The following ALG13 variants were observed in gnomAD, a reference collection of about 807,000 sequenced individuals.
The protein encoded by ALG13 is UDP-N-acetylglucosamine transferase subunit ALG13.
In ALG13, 11 loss-of-function variants were observed where a neutral mutation model predicts 87.8. That is an observed-to-expected ratio of 0.13 (90% CI 0.08 to 0.21). The LOEUF (loss-of-function observed/expected upper bound fraction) is 0.21. Ranked by LOEUF, ALG13 falls within the 10% of genes least tolerant of loss-of-function variation. ALG13 has a pLI of 1.00. For missense variants in ALG13, 756 were observed against 866.1 expected (o/e 0.87, Z 1.60); for synonymous variants, 320 against 306.3 (o/e 1.04, Z -0.47).
intron 9 of ALG13, 78 bp from the exon 10 acceptor site, chrX:111,718,034 C>T (rs960820790): frequency 6.4e-5 from 70 of 1,088,117 alleles, no homozygotes; most frequent in East Asian, 2.9e-4. Context: ...CCTATTTGCA[C>T]GCAGGATTAT....
chrX:111,686,359 T>G (rs910054528), intron 3 of ALG13, among the ~76,000 whole-genome samples: 1 of 112,503 alleles, frequency 8.9e-6, no homozygotes, highest in African/African-American at 3.2e-5. Flanking sequence ...TCTTTTAGTT[T>G]TACTGCTTCT....
At chrX:111,694,836 G>T (rs1445962756) in intron 3 of ALG13, among the ~76,000 whole-genome samples, 1 of 111,751 alleles carries the variant, frequency 8.9e-6, no homozygotes, top group East Asian at 2.8e-4. Flanking sequence ...TAGTTTTCTG[G>T]ATCTCAGTTT....
chrX:111,688,463 A>G (rs1301107219), intron 3 of ALG13: 6 of 750,556 alleles, frequency 8.0e-6, no homozygotes, highest in Admixed American at 1.8e-4. Context: ...CTGTGAAATG[A>G]AAAGTTCAAT....
Position 111,694,167 on chromosome X carries a change from C to A in ALG13, c.383+9064C>A, listed in dbSNP as rs865884566. On this transcript the variant is annotated intron_variant, in intron 3 of 26. Coordinates refer to ENST00000394780, the MANE Select transcript of ALG13 (RefSeq NM_001099922.3). Reference sequence around the variant, plus strand: ...CACGCCATTCTTCTGCCTCAGCCTCCGGAGTAGCTGGGACTACAGGCGCCC... The same window carrying A: ...CACGCCATTCTTCTGCCTCAGCCTCAGGAGTAGCTGGGACTACAGGCGCCC... Among the ~76,000 whole-genome samples, 6 of 110,453 alleles carry A rather than the reference C, an allele frequency of 5.4e-5. No individual in the cohort carries two copies. In the Admixed American group the frequency reaches 5.8e-4, roughly 11 times the overall value.
chrX:111,720,686 T>C (rs1941294645), intron 11 of ALG13, among the ~76,000 whole-genome samples: 1 of 111,709 alleles, frequency 9.0e-6, no homozygotes, highest in Non-Finnish European at 1.9e-5. Context: ...TGGAATAGTA[T>C]TGAATATGGT....
intron 24 of ALG13, among the ~76,000 whole-genome samples, chrX:111,752,564 C>A (rs911764769): frequency 9.1e-6 from 1 of 109,787 alleles, no homozygotes; most frequent in Admixed American, 9.8e-5. Context: ...TACAGGCACC[C>A]GCCACCACGT....
intron 25 of ALG13, 102 bp from the exon 26 acceptor site, chrX:111,757,486 A>G (rs1945363974): frequency 6.1e-6 from 4 of 656,470 alleles, no homozygotes; most frequent in Non-Finnish European, 8.5e-6. Context: ...ATCGTGGCCC[A>G]ATTCTTATTT....
Position 111,724,983 on chromosome X carries a change from G to T in ALG13, c.1651G>T (p.Val551Phe). The change falls in exon 15 of 27, where the codon GTT (valine) becomes TTT (phenylalanine). Residue 551 changes from valine (V) to phenylalanine (F), a missense_variant. Coordinates refer to ENST00000394780, the MANE Select transcript of ALG13 (RefSeq NM_001099922.3). ...NLKPVTQVMSVPAWNAMPSRK... is the reference protein window; with the variant it reads ...NLKPVTQVMSFPAWNAMPSRK... ...AAAACCAGTTACCCAAGTGATGTCTGTTCCTGCCTGGAATGCTATGCCCAG... is the reference window on the plus strand; with the variant it reads ...AAAACCAGTTACCCAAGTGATGTCTTTTCCTGCCTGGAATGCTATGCCCAG... 1 of 1,210,905 alleles carries T rather than the reference G, an allele frequency of 8.3e-7. No individual in the cohort carries two copies. Among genetic ancestry groups the T allele is most frequent in the South Asian group, 1.8e-5 (1 of 56,950 alleles).
intron 22 of ALG13, among the ~76,000 whole-genome samples, chrX:111,736,048 A>T (rs768306341): frequency 2.3e-4 from 26 of 111,893 alleles, no homozygotes; most frequent in African/African-American, 8.4e-4. Flanking sequence ...TCATGCCTGT[A>T]ATCCCAACAC....
At chrX:111,697,664 C>T (rs1030244054) in intron 3 of ALG13, among the ~76,000 whole-genome samples, 5 of 112,000 alleles carry the variant, frequency 4.5e-5, no homozygotes, top group African/African-American at 1.6e-4. Context: ...TAGAATCGAC[C>T]CACAGTTCTC....
rs1168179628 is a variant in ALG13, at chrX:111,759,851, T to C, written c.3266T>C (p.Val1089Ala). 8.3e-7 allele frequency: 1 copy of C among 1,211,318 alleles called. No individual in the cohort carries two copies. The highest frequency in any genetic ancestry group is 1.1e-6 in the Non-Finnish European group (1 of 895,389). ...LPGFDSCLPVVPDYSCVPPWH... is the reference protein window; with the variant it reads ...LPGFDSCLPVAPDYSCVPPWH... ...GGTTTTGACTCCTGCCTTCCGGTTG[T>C]GCCAGATTATTCCTGTGTTCCCCCC... Residue 1089 changes from valine (V) to alanine (A), a missense_variant, in exon 27 of 27, where the codon GTG (valine) becomes GCG (alanine). Val to Ala is a moderately conservative substitution (Grantham distance 64). Coordinates refer to ENST00000394780, the MANE Select transcript of ALG13 (RefSeq NM_001099922.3).
In ALG13 at chrX:111,720,183, C is replaced by T. The variant is rs1377316602; in HGVS notation, c.1326+13C>T. On this transcript the variant is annotated intron_variant, in intron 11 of 26. Coordinates refer to ENST00000394780, the MANE Select transcript of ALG13 (RefSeq NM_001099922.3). ...AGAAGAAACAAAGGTTTGATATTTT[C>T]TAAGGCAAAGAATTTTCATAGTCTT... 1 of 1,124,148 alleles carries T rather than the reference C, an allele frequency of 8.9e-7. No individual in the cohort carries two copies. Among genetic ancestry groups the T allele is most frequent in the Non-Finnish European group, 1.2e-6 (1 of 838,015 alleles). 92.6% of individuals were successfully genotyped at this position (1,124,148 alleles called of 1,213,427 possible).
Position 111,687,930 on chromosome X carries a change from A to C in ALG13, c.383+2827A>C, listed in dbSNP as rs770214701. On this transcript the variant is annotated intron_variant, in intron 3 of 26. Transcript: ENST00000394780. ...ACAGTCAATGGACTTATCAACACTG[A>C]AATGTTATCCTCCTGGCCAGCCAGA... 76 of 1,178,408 alleles carry C rather than the reference A, an allele frequency of 6.4e-5. No homozygotes were observed. Among genetic ancestry groups the C allele is most frequent in the Non-Finnish European group, 7.8e-5 (69 of 879,489 alleles).
At chrX:111,744,638 T>G in intron 23 of ALG13, 30 bp from the exon 24 acceptor site, 1 of 1,168,424 alleles carries the variant, frequency 8.6e-7, no homozygotes, top group Non-Finnish European at 1.1e-6. Flanking sequence ...TAGTTGTGTA[T>G]TGCTACTTTA....
intron 26 of ALG13, among the ~76,000 whole-genome samples, chrX:111,758,712 C>G (rs1945481871): frequency 8.9e-6 from 1 of 112,104 alleles, no homozygotes; most frequent in Non-Finnish European, 1.9e-5. Context: ...CATGAAAAAT[C>G]CACATTGCTA....
intron 24 of ALG13, among the ~76,000 whole-genome samples, chrX:111,750,635 G>T (rs1301932577): frequency 9.5e-6 from 1 of 104,866 alleles, no homozygotes; most frequent in Non-Finnish European, 1.9e-5. Flanking sequence ...GTATTGTATT[G>T]TTTGTTTGTT....
At chrX:111,718,329 A>G (rs1364490959) in intron 10 of ALG13, 55 bp downstream of exon 10, 1 of 1,056,229 alleles carries the variant, frequency 9.5e-7, no homozygotes, top group African/African-American at 1.9e-5. Flanking sequence ...TCTGTGCATA[A>G]TCATTTGAAA....
chrX:111,685,334 T>TGA (rs1048668586), intron 3 of ALG13: 6 of 334,695 alleles, frequency 1.8e-5, no homozygotes, highest in African/African-American at 1.7e-4. Flanking sequence ...TGTGAATATC[T>TGA]GAGAGAGTGT....
At chrX:111,737,149 T>C (rs895410181) in intron 23 of ALG13, 22 of 219,555 alleles carry the variant, frequency 1.0e-4, no homozygotes, top group Non-Finnish European at 1.5e-4. Context: ...TCTCAAACTT[T>C]GAGTTAAGTT....
Sources: gnomAD v4.1 joint callset for allele counts (sites outside exome capture counted in the v4.1 genomes callset) on GRCh38, gnomAD v4.1.1 for gene constraint, MANE v1.5 for transcripts, NCBI Gene and HGNC (gene_info 2026-07-23, HGNC 2026-07-21) for gene names.